RARB: variants seen among roughly 807,000 people sequenced by gnomAD.
The protein encoded by RARB is HBV-activated protein.
Under a neutral mutation model 51.9 loss-of-function variants are expected in RARB, and 17 were observed. The observed-to-expected ratio is 0.33, with a 90% CI of 0.22 to 0.49. The LOEUF (loss-of-function observed/expected upper bound fraction) is 0.49. Among genes scored for constraint, RARB ranks in the 20% least tolerant of loss-of-function variants. RARB has a pLI of 0.99. For missense variants in RARB, 369 were observed against 550.8 expected (o/e 0.67, Z 3.30); for synonymous variants, 215 against 195.4 (o/e 1.10, Z -0.84).
At chr3:24,991,535 T>C (rs758945507) in intron 2 of RARB, among the ~76,000 whole-genome samples, 29 of 152,198 alleles carry the variant, frequency 1.9e-4, no homozygotes, top group Non-Finnish European at 3.7e-4. Flanking sequence ...TCTTGTATTA[T>C]TGCACTGTAG....
chr3:24,921,476 A>AT (rs537749711), intron 2 of RARB, among the ~76,000 whole-genome samples: 16 of 152,260 alleles, frequency 1.1e-4, no homozygotes, highest in African/African-American at 3.9e-4. Flanking sequence ...CATTCCTGTG[A>AT]TAAGTGTTTA....
At chr3:24,836,468 T>C (rs1451755426) in intron 1 of RARB, among the ~76,000 whole-genome samples, 1 of 152,182 alleles carries the variant, frequency 6.6e-6, no homozygotes, top group Non-Finnish European at 1.5e-5. Flanking sequence ...GGAGATCCTG[T>C]TTCTACCCTT....
chr3:25,157,345 T>A (rs1056830789), intron 4 of RARB, among the ~76,000 whole-genome samples: 8 of 105,678 alleles, frequency 7.6e-5, no homozygotes, highest in African/African-American at 1.1e-4. Context: ...TCTGAGTGTG[T>A]GTGTTTGTGT....
intron 2 of RARB, among the ~76,000 whole-genome samples, chr3:25,009,721 A>G (rs1302406403): frequency 6.6e-6 from 1 of 152,004 alleles, no homozygotes; most frequent in Non-Finnish European, 1.5e-5. Context: ...CTCCCTTTCC[A>G]GCTTTCTGGG....
At chr3:25,493,672 A>G (rs1696862012) in intron 2 of RARB, among the ~76,000 whole-genome samples, 1 of 152,176 alleles carries the variant, frequency 6.6e-6, no homozygotes, top group African/African-American at 2.4e-5. Flanking sequence ...TGAACTTTGC[A>G]TGGGATAGAA....
upstream of RARB, among the ~76,000 whole-genome samples, chr3:25,425,666 C>A (rs188326371): frequency 6.6e-6 from 1 of 152,116 alleles, no homozygotes; most frequent in Non-Finnish European, 1.5e-5. Context: ...CATCGAGTCG[C>A]CCAACCTTTA....
intron 2 of RARB, among the ~76,000 whole-genome samples, chr3:24,981,489 C>T (rs1696670841): frequency 6.6e-6 from 1 of 152,134 alleles, no homozygotes; most frequent in Non-Finnish European, 1.5e-5. Context: ...ACTCAAGCCT[C>T]AGTGGACGCC....
intron 5 of RARB, among the ~76,000 whole-genome samples, chr3:25,593,284 T>G (rs1289732405): frequency 6.6e-6 from 1 of 152,176 alleles, no homozygotes; most frequent in East Asian, 1.9e-4. Context: ...TCAAAATTTC[T>G]TATGTCCTGT....
intron 5 of RARB, among the ~76,000 whole-genome samples, chr3:25,253,217 A>C (rs545132170): frequency 6.6e-6 from 1 of 152,164 alleles, no homozygotes; most frequent in African/African-American, 2.4e-5. Flanking sequence ...CAAAGCTGAC[A>C]CTTTGATACA....
chr3:25,213,600 G>A (rs1478574543), intron 5 of RARB, among the ~76,000 whole-genome samples: 1 of 152,166 alleles, frequency 6.6e-6, no homozygotes, highest in Non-Finnish European at 1.5e-5. Flanking sequence ...CTGAGTTGTA[G>A]GGTATGCATA....
chr3:24,872,899 CACTT>C (rs1375276135), intron 2 of RARB, among the ~76,000 whole-genome samples: 3 of 152,208 alleles, frequency 2.0e-5, no homozygotes, highest in Non-Finnish European at 4.4e-5. Context: ...CGTTGACTCT[CACTT>C]ACTGTCCTGT....
chr3:24,839,722 G>C (rs796243761), intron 1 of RARB, among the ~76,000 whole-genome samples: 4 of 25,508 alleles, frequency 1.6e-4, no homozygotes, highest in Middle Eastern at 0.04. Flanking sequence ...AAAAAAAAGG[G>C]GGGGGGGGTG....
chr3:25,244,598 C>A (rs1702511755), intron 5 of RARB, among the ~76,000 whole-genome samples: 1 of 152,146 alleles, frequency 6.6e-6, no homozygotes, highest in Non-Finnish European at 1.5e-5. Flanking sequence ...GCAGGTTGTT[C>A]AGTTTTCATG....
At chr3:25,341,360 T>G (rs919192951) in intron 5 of RARB, among the ~76,000 whole-genome samples, 3 of 152,202 alleles carry the variant, frequency 2.0e-5, no homozygotes, top group South Asian at 2.1e-4. Context: ...TATATATGTT[T>G]CCAGACATTG....
chr3:25,497,328 G>A (rs988250343), intron 2 of RARB, among the ~76,000 whole-genome samples: 6 of 152,214 alleles, frequency 3.9e-5, no homozygotes, highest in African/African-American at 1.4e-4. Flanking sequence ...AAGCCCTCAT[G>A]ATGGTGTCCT....
intron 5 of RARB, among the ~76,000 whole-genome samples, chr3:25,269,236 A>G (rs1703195525): frequency 6.6e-6 from 1 of 152,220 alleles, no homozygotes. Context: ...TTGAATAGTC[A>G]TAGAAATGAG....
At chr3:25,308,540 C>G (rs1284448636) in intron 5 of RARB, among the ~76,000 whole-genome samples, 9 of 151,402 alleles carry the variant, frequency 5.9e-5, no homozygotes, top group Non-Finnish European at 1.2e-4. Context: ...CCCCTGCCTC[C>G]CAGGTTCAAG....
intron 5 of RARB, among the ~76,000 whole-genome samples, chr3:25,261,440 C>A (rs944852035): frequency 2.0e-5 from 3 of 152,190 alleles, no homozygotes; most frequent in African/African-American, 7.2e-5. Flanking sequence ...ATGCTACTGT[C>A]CCCTGAGGTT....
At chr3:25,446,751 C>G (rs555418884) in intron 1 of RARB, among the ~76,000 whole-genome samples, 1 of 137,520 alleles carries the variant, frequency 7.3e-6, no homozygotes, top group African/African-American at 2.9e-5. Context: ...GGCAGTGAGC[C>G]GAGATTGCAC....
Sources: allele counts gnomAD v4.1 joint callset (sites outside exome capture counted in the v4.1 genomes callset), GRCh38; gene constraint gnomAD v4.1.1; transcripts MANE v1.5; gene names NCBI Gene and HGNC (gene_info 2026-07-23, HGNC 2026-07-21).